CLTC: variants seen among roughly 807,000 people sequenced by gnomAD.
The protein encoded by CLTC is clathrin heavy chain 1.
In CLTC, 16 loss-of-function variants were observed where a neutral mutation model predicts 195.8. The observed-to-expected ratio is 0.08, with a 90% CI of 0.06 to 0.12. The LOEUF is 0.12. CLTC is among the 10% of genes least tolerant of loss of function. The pLI, the probability that CLTC is intolerant of heterozygous loss-of-function variation, is 1.00. For missense variants in CLTC, 796 were observed against 2,027.0 expected, an observed-to-expected ratio of 0.39 and a Z score of 11.66; for synonymous variants, 667 against 689.4, an observed-to-expected ratio of 0.97 and a Z score of 0.51.
chr17:59,695,830 C>T lies in CLTC; in HGVS notation c.*1978C>T, dbSNP rs2033407712. 8.0e-6 allele frequency: 1 copy of T among 124,782 alleles called. No individual in the cohort carries two copies. The highest frequency in any genetic ancestry group is 1.6e-5 in the Non-Finnish European group (1 of 63,552). The allele number at this position is 124,782 out of a possible 1,614,324, so 7.7% of individuals were successfully genotyped here. A position where few individuals can be genotyped will look rare whatever the true frequency, so the allele number is the denominator to read the frequency against. ...TGCACCCTCAGTGCAAATATCAACA[C>T]AGAGAAAAAAAAAATAATAATAGTA... On this transcript the variant is annotated 3_prime_UTR_variant, in exon 32 of 32. Coordinates refer to ENST00000269122, the MANE Select transcript of CLTC (RefSeq NM_004859.4).
chr17:59,634,709 G>A (rs1306671729), intron 1 of CLTC, among the ~76,000 whole-genome samples: 1 of 152,216 alleles, frequency 6.6e-6, no homozygotes, highest in East Asian at 1.9e-4. Context: ...GGGACAGCAA[G>A]GGTTAAAGGC....
rs565376354 is a variant in CLTC at position 59,674,651 on chromosome 17, C to G, written c.2419-50C>G. 6.7e-6 allele frequency: 10 copies of G among 1,496,012 alleles called. No individual in the cohort carries two copies. The Admixed American group carries it at 1.1e-4, about 17-fold the overall frequency. The allele number at this position is 1,496,012 out of a possible 1,614,324, so 92.7% of individuals were successfully genotyped here. A position where few individuals can be genotyped will look rare whatever the true frequency, so the allele number is the denominator to read the frequency against. ...AGATAAATGCTTTTTTAAAATTCCT[C>G]TTTGCTTTTAATAACATAATAACAT... On this transcript the variant is annotated intron_variant, in intron 15 of 31. Transcript: ENST00000269122.
Position 59,620,119 on chromosome 17 carries a change from C to A in CLTC, c.-13C>A. The A allele has an allele frequency of 6.2e-7, 1 of 1,614,102 alleles. No individual in the cohort carries two copies. The highest frequency in any genetic ancestry group is 8.5e-7 in the Non-Finnish European group (1 of 1,179,992). On this transcript the variant is annotated 5_prime_UTR_variant, in exon 1 of 32. Transcript: ENST00000269122. ...CCCAGTGACAGGAGGAGACCATAACCCCCGACAGCGCCATGGCCCAGATTC... is the reference window on the plus strand; with the variant it reads ...CCCAGTGACAGGAGGAGACCATAACACCCGACAGCGCCATGGCCCAGATTC...
Position 59,682,069 on chromosome 17 carries a change from G to A in CLTC, c.3443-202G>A, listed in dbSNP as rs995547824. ...TGAAGTCTCATAAAATCCTGATAGT[G>A]CTCTAATCTTAAAACTTTAAGGAAA... On this transcript the variant is annotated intron_variant, in intron 21 of 31. Transcript: ENST00000269122. This position sits in a 1 kb window ranked among gnomAD's most constrained non-coding sequence, Gnocchi z 6.8. Among the ~76,000 whole-genome samples, 2 of 152,104 alleles carry A rather than the reference G, an allele frequency of 1.3e-5. No individual in the cohort carries two copies. The highest frequency in any genetic ancestry group is 2.9e-5 in the Non-Finnish European group (2 of 68,016).
chr17:59,632,205 A>G (rs1469014277), intron 1 of CLTC, among the ~76,000 whole-genome samples: 5 of 151,588 alleles, frequency 3.3e-5, no homozygotes, highest in Non-Finnish European at 7.4e-5. Context: ...CGTCTCTACT[A>G]AAAATACAAA....
Position 59,694,557 on chromosome 17 carries a change from C to T in CLTC, c.*705C>T, listed in dbSNP as rs563195345. On this transcript the variant is annotated 3_prime_UTR_variant, in exon 32 of 32. Coordinates refer to ENST00000269122, the MANE Select transcript of CLTC (RefSeq NM_004859.4). ...GTATCCTGTGCTTTTTCTGTGGGACCATTCCATTCAGGAGCAAAGAGCACC... is the reference window on the plus strand; with the variant it reads ...GTATCCTGTGCTTTTTCTGTGGGACTATTCCATTCAGGAGCAAAGAGCACC... 1.8e-4 allele frequency: 40 copies of T among 227,762 alleles called. No homozygotes were observed. Among genetic ancestry groups the T allele is most frequent in the Non-Finnish European group, 2.9e-4 (33 of 114,362 alleles). 14.1% of individuals were successfully genotyped at this position (227,762 alleles called of 1,614,324 possible).
At chr17:59,650,722 C>G (rs1178452709) in intron 4 of CLTC, among the ~76,000 whole-genome samples, 2 of 152,068 alleles carry the variant, frequency 1.3e-5, no homozygotes, top group Admixed American at 6.6e-5. Context: ...CAGTTTCTCC[C>G]AATGGCTACA....
At chr17:59,675,719 C>G (rs1056303783) in intron 16 of CLTC, among the ~76,000 whole-genome samples, 4 of 152,160 alleles carry the variant, frequency 2.6e-5, no homozygotes, top group African/African-American at 9.7e-5. Context: ...CCTATTGAAT[C>G]TATTACCTGA....
At chr17:59,690,490 T>C in intron 30 of CLTC, 146 bp from the exon 31 acceptor site, 1 of 571,656 alleles carries the variant, frequency 1.7e-6, no homozygotes, top group Non-Finnish European at 3.1e-6. Flanking sequence ...AACATTGCCA[T>C]TGAATTTGAG....
Position 59,666,054 on chromosome 17 carries a change from T to G in CLTC, c.1645-49T>G, listed in dbSNP as rs376602738. ...GAGTTCATGCATAATTTTGTCTACA[T>G]ACTCTCCATAGTATCTTAAAACAAT... On this transcript the variant is annotated intron_variant, in intron 10 of 31. Transcript: ENST00000269122. This position sits in a 1 kb window ranked among gnomAD's most constrained non-coding sequence, Gnocchi z 4.9. The G allele has an allele frequency of 1.1e-4, 151 of 1,400,902 alleles. No individual in the cohort carries two copies. The highest frequency in any genetic ancestry group is 1.4e-4 in the Non-Finnish European group (142 of 1,006,098). The allele number at this position is 1,400,902 out of a possible 1,614,324, so 86.8% of individuals were successfully genotyped here.
chr17:59,693,614 T>G, intron 31 of CLTC, 114 bp from the exon 32 acceptor site: 1 of 1,259,424 alleles, frequency 7.9e-7, no homozygotes, highest in Non-Finnish European at 1.1e-6. Flanking sequence ...ACAACTCATT[T>G]GAGGTTGAGA....
intron 1 of CLTC, among the ~76,000 whole-genome samples, chr17:59,633,366 G>A (rs1365419165): frequency 2.0e-5 from 3 of 152,122 alleles, no homozygotes; most frequent in South Asian, 2.1e-4. Flanking sequence ...GGTGGTGCAT[G>A]CCTGTAGTCC....
At chr17:59,626,034 A>G (rs1167078328) in intron 1 of CLTC, among the ~76,000 whole-genome samples, 1 of 152,354 alleles carries the variant, frequency 6.6e-6, no homozygotes, top group Admixed American at 6.5e-5. Flanking sequence ...CCAATGACAC[A>G]ATATTCATTT....
chr17:59,649,116 A>T (rs2032266886), intron 4 of CLTC, among the ~76,000 whole-genome samples: 1 of 152,214 alleles, frequency 6.6e-6, no homozygotes. Context: ...AGTTGCAGGT[A>T]ATAGAAACAA....
At chr17:59,687,099 T>C in intron 30 of CLTC, 2 of 714,506 alleles carry the variant, frequency 2.8e-6, no homozygotes, top group South Asian at 6.3e-5. Context: ...TCCTTCCTCT[T>C]CTACACTGCT....
In CLTC at chr17:59,683,270, G is replaced by A. The variant is rs901154946; in HGVS notation, c.4041+8G>A. The A allele has an allele frequency of 2.5e-6, 4 of 1,613,238 alleles. No homozygotes were observed. In the African/African-American group the frequency reaches 4.0e-5, roughly 16 times the overall value. On this transcript the variant is annotated splice_region_variant and intron_variant, in intron 25 of 31. Transcript: ENST00000269122. This position sits in a 1 kb window ranked among gnomAD's most constrained non-coding sequence, Gnocchi z 6.1. Reference sequence around the variant, plus strand: ...AGAGTGAATATTCCCAAGGTAACCAGTCATTGTAACACAGTGAAGCAACTG... The same window carrying A: ...AGAGTGAATATTCCCAAGGTAACCAATCATTGTAACACAGTGAAGCAACTG...
chr17:59,672,818 TTAGTTCTGCTTCCCTAGTAGACTGTG>T (rs2032882245), intron 14 of CLTC, among the ~76,000 whole-genome samples: 1 of 152,166 alleles, frequency 6.6e-6, no homozygotes, highest in African/African-American at 2.4e-5. Context: ...TCTACCCTAC[TTAGTTCTGCTTCCCTAGTAGACTGTG>T]TTAGAGGAAT....
chr17:59,676,590 T>C (rs899540719), intron 16 of CLTC, among the ~76,000 whole-genome samples: 1 of 152,246 alleles, frequency 6.6e-6, no homozygotes, highest in Admixed American at 6.5e-5. Context: ...AATAGCCTTA[T>C]ATACCTTCTT....
rs2033400418 is a variant in CLTC at position 59,695,557 on chromosome 17, C to T, written c.*1705C>T. ...AAGATCCTAGCTGCTACTCAGGAGG[C>T]AGGAGGCTGAGGCATGAGAATCACT... On this transcript the variant is annotated 3_prime_UTR_variant, in exon 32 of 32. Coordinates refer to ENST00000269122, the MANE Select transcript of CLTC (RefSeq NM_004859.4). 1 of 178,014 alleles carries T rather than the reference C, an allele frequency of 5.6e-6. No individual in the cohort carries two copies. Among genetic ancestry groups the T allele is most frequent in the Admixed American group, 6.3e-5 (1 of 15,808 alleles). 11.0% of individuals were successfully genotyped at this position (178,014 alleles called of 1,614,324 possible).
Sources: allele counts gnomAD v4.1 joint callset (sites outside exome capture counted in the v4.1 genomes callset), GRCh38; gene constraint gnomAD v4.1.1; non-coding constraint Gnocchi (gnomAD v3.1); transcripts MANE v1.5; gene names NCBI Gene and HGNC (gene_info 2026-07-23, HGNC 2026-07-21).